FHAD1: variants seen among roughly 807,000 people sequenced by gnomAD.
FHAD1 encodes the protein forkhead-associated domain-containing protein 1.
FHAD1 carries 146 observed loss-of-function variants against 191.3 expected under a neutral mutation model. That is an observed-to-expected ratio of 0.76 (90% confidence interval 0.67 to 0.88). FHAD1 has a LOEUF of 0.88. Ranked by LOEUF, FHAD1 falls within the 40% of genes least tolerant of loss-of-function variation. The pLI is 0.00. For missense variants in FHAD1, 1,635 were observed against 1,785.8 expected (o/e 0.92, Z 1.52); for synonymous variants, 616 against 672.3 (o/e 0.92, Z 1.29).
At position 15,315,981 on chromosome 1, in the gene FHAD1, C is replaced by T. The variant is rs560020740; in HGVS notation, c.1171-397C>T. ...TCCAGAACGGCTGTTCCATTTTCAC[C>T]GCCGCTCCCAGGGCAGTGGTGTCTT... On this transcript the variant is annotated intron_variant, in intron 8 of 33. Coordinates refer to ENST00000688493, the MANE Select transcript of FHAD1 (RefSeq NM_001391957.1). 4.6e-5 allele frequency among the ~76,000 whole-genome samples: 7 copies of T among 152,294 alleles called. No homozygotes were observed. The South Asian group carries it at 6.2e-4, about 14-fold the overall frequency.
intron 26 of FHAD1, among the ~76,000 whole-genome samples, chr1:15,374,266 G>A (rs1047109338): frequency 2.0e-5 from 3 of 152,186 alleles, no homozygotes; most frequent in Non-Finnish European, 2.9e-5. Context: ...GAGAGGGAAC[G>A]TGGAGGGGCT....
chr1:15,256,664 A>G (rs1648268601), intron 2 of FHAD1, among the ~76,000 whole-genome samples: 1 of 148,358 alleles, frequency 6.7e-6, no homozygotes, highest in Non-Finnish European at 1.5e-5. Flanking sequence ...AAAAAAAAAA[A>G]AAAAAAAAGA....
At chr1:15,319,031 T>C (rs1036155826) in intron 10 of FHAD1, among the ~76,000 whole-genome samples, 20 of 152,204 alleles carry the variant, frequency 1.3e-4, no homozygotes, top group Middle Eastern at 3.4e-3. Context: ...AGCTTCACTA[T>C]GTTGCCCAGG....
intron 28 of FHAD1, among the ~76,000 whole-genome samples, chr1:15,379,204 G>C (rs887295946): frequency 6.6e-6 from 1 of 152,168 alleles, no homozygotes; most frequent in Non-Finnish European, 1.5e-5. Flanking sequence ...ATCATTCGTG[G>C]GTGTTTCTCC....
At chr1:15,330,511 G>A (rs1459928069) in intron 14 of FHAD1, among the ~76,000 whole-genome samples, 1 of 152,136 alleles carries the variant, frequency 6.6e-6, no homozygotes, top group Non-Finnish European at 1.5e-5. Flanking sequence ...CCCTCCAAGA[G>A]CTTATGGTCT....
At chr1:15,392,307 C>T (rs1380528078) in intron 33 of FHAD1, among the ~76,000 whole-genome samples, 5 of 152,208 alleles carry the variant, frequency 3.3e-5, no homozygotes, top group East Asian at 3.9e-4. Context: ...CCAAGGCGGG[C>T]GGATCACGAG....
chr1:15,324,661 C>T (rs1197230730), intron 11 of FHAD1, 102 bp downstream of exon 11: 1 of 792,978 alleles, frequency 1.3e-6, no homozygotes, highest in Non-Finnish European at 2.2e-6. Flanking sequence ...GGTAGAAAGA[C>T]AGACGTGCGT....
intron 8 of FHAD1, among the ~76,000 whole-genome samples, chr1:15,313,501 G>C (rs1672957764): frequency 6.6e-6 from 1 of 152,184 alleles, no homozygotes; most frequent in Non-Finnish European, 1.5e-5. Flanking sequence ...TTATAAATGA[G>C]TTTGGTTAAT....
intron 23 of FHAD1, among the ~76,000 whole-genome samples, chr1:15,362,968 C>T (rs1695287659): frequency 6.6e-6 from 1 of 152,238 alleles, no homozygotes; most frequent in Non-Finnish European, 1.5e-5. Flanking sequence ...CCCATTCCTT[C>T]AGCAAGGCAG....
chr1:15,290,092 G>A lies in FHAD1; in HGVS notation c.568+426G>A, dbSNP rs559092570. On this transcript the variant is annotated intron_variant, in intron 4 of 33. Coordinates refer to ENST00000688493, the MANE Select transcript of FHAD1 (RefSeq NM_001391957.1). ...TACCACCATTTTACAGGTCAGAGGA[G>A]AGTGACACTTACCAGGAAGATGACT... Among the ~76,000 whole-genome samples the A allele has an allele frequency of 3.3e-5, 5 of 152,338 alleles. No homozygotes were observed. In the South Asian group the frequency reaches 1.0e-3, roughly 32 times the overall value.
At chr1:15,367,341 C>A (rs1003187034) in intron 24 of FHAD1, 122 bp from the exon 25 acceptor site, 12 of 1,150,996 alleles carry the variant, frequency 1.0e-5, no homozygotes, top group Admixed American at 2.8e-5. Context: ...ACTAAAAATA[C>A]AAAAATTAGC....
At position 15,327,521 on chromosome 1, in the gene FHAD1, G is replaced by A; in HGVS notation, c.1557+379G>A. 1 of 174,354 alleles carries A rather than the reference G, an allele frequency of 5.7e-6. No individual in the cohort carries two copies. The highest frequency in any genetic ancestry group is 1.2e-5 in the Non-Finnish European group (1 of 82,480). 10.8% of individuals were successfully genotyped at this position (174,354 alleles called of 1,614,324 possible). ...TGGCAGTGAGGGTGGATGTCTGGCT[G>A]TAATGATTGCCTTGCTGTTCTTCCA... On this transcript the variant is annotated intron_variant, in intron 12 of 33. Coordinates refer to ENST00000688493, the MANE Select transcript of FHAD1 (RefSeq NM_001391957.1). The surrounding 1 kb of genome is among the most constrained non-coding windows in gnomAD (Gnocchi z 5.1).
At chr1:15,243,618 A>G (rs888876067), upstream of FHAD1, among the ~76,000 whole-genome samples, 4 of 152,232 alleles carry the variant, frequency 2.6e-5, no homozygotes, top group Admixed American at 2.6e-4. Context: ...GTGGCTGGGA[A>G]GGAATGAGAT....
At chr1:15,360,341 A>C in intron 21 of FHAD1, 137 bp from the exon 22 acceptor site, 1 of 673,646 alleles carries the variant, frequency 1.5e-6, no homozygotes, top group Non-Finnish European at 2.5e-6. Flanking sequence ...AGAAGTGCAC[A>C]GGGCAGAGGG....
intron 14 of FHAD1, among the ~76,000 whole-genome samples, chr1:15,338,992 A>G (rs879557295): frequency 6.6e-6 from 1 of 152,140 alleles, no homozygotes; most frequent in Non-Finnish European, 1.5e-5. Context: ...ATGTGAGCTC[A>G]ACCAAGGCTT....
At chr1:15,353,955 G>T (rs2473358) in intron 20 of FHAD1, among the ~76,000 whole-genome samples, 74,791 of 151,780 alleles carry the variant, frequency 0.49, 18,860 homozygotes, top group African/African-American at 0.6. Context: ...AATTCACTTC[G>T]CCTGAGTCCC....
chr1:15,351,966 A>G (rs554915558), intron 19 of FHAD1, among the ~76,000 whole-genome samples: 3 of 152,108 alleles, frequency 2.0e-5, no homozygotes, highest in Non-Finnish European at 4.4e-5. Flanking sequence ...CTGTCCCTTG[A>G]ATTAGGATGT....
intron 2 of FHAD1, among the ~76,000 whole-genome samples, chr1:15,252,149 G>A (rs1026650555): frequency 2.6e-5 from 4 of 152,210 alleles, no homozygotes; most frequent in African/African-American, 9.6e-5. Context: ...CAGAGCAGAT[G>A]AGCCCCAAAG....
At chr1:15,323,814 G>C (rs1054710931) in intron 10 of FHAD1, among the ~76,000 whole-genome samples, 3 of 152,188 alleles carry the variant, frequency 2.0e-5, no homozygotes, top group African/African-American at 7.2e-5. Flanking sequence ...CACTTTAAAC[G>C]CCTTCTTTTG....
Sources: allele counts gnomAD v4.1 joint callset (sites outside exome capture counted in the v4.1 genomes callset), GRCh38; gene constraint gnomAD v4.1.1; non-coding constraint Gnocchi (gnomAD v3.1); transcripts MANE v1.5; gene names NCBI Gene and HGNC (gene_info 2026-07-23, HGNC 2026-07-21).